Variants in RIMS1 observed in about 807,000 individuals in gnomAD.
The protein encoded by RIMS1 is regulating synaptic membrane exocytosis protein 1.
A neutral mutation model predicts 214.1 loss-of-function variants in RIMS1; 83 were observed. That is an observed-to-expected ratio of 0.39 (90% CI 0.32 to 0.47). RIMS1 has a LOEUF of 0.47. RIMS1 is among the 20% of genes least tolerant of loss of function. The pLI, the probability that RIMS1 is intolerant of heterozygous loss-of-function variation, is 0.99. For synonymous variants in RIMS1, 793 were observed against 786.8 expected (o/e 1.01, Z -0.13); for missense variants, 2,050 against 2,161.8 (o/e 0.95, Z 1.03).
intron 2 of RIMS1, among the ~76,000 whole-genome samples, chr6:72,071,081 T>A (rs1174820169): frequency 6.6e-6 from 1 of 152,154 alleles, no homozygotes; most frequent in South Asian, 2.1e-4. Context: ...AGAATATACA[T>A]TACACTTCAC....
chr6:72,284,323 G>T (rs369305735), intron 24 of RIMS1, among the ~76,000 whole-genome samples: 1 of 151,862 alleles, frequency 6.6e-6, no homozygotes, highest in African/African-American at 2.4e-5. Context: ...TAAATCTTAG[G>T]GTTTAAAAAA....
At chr6:71,913,496 C>T (rs991091842) in intron 1 of RIMS1, among the ~76,000 whole-genome samples, 3 of 152,048 alleles carry the variant, frequency 2.0e-5, no homozygotes, top group Non-Finnish European at 2.9e-5. Context: ...CTCCTGCCCC[C>T]GCCCCATCTC....
Position 72,315,544 on chromosome 6 carries a change from C to T in RIMS1, c.4130+1872C>T, listed in dbSNP as rs529928708. 1.4e-3 allele frequency among the ~76,000 whole-genome samples: 211 copies of T among 152,136 alleles called. 1 individual carries two copies. Among genetic ancestry groups the T allele is most frequent in the African/African-American group, 4.5e-3 (185 of 41,508 alleles). ...CTGTATGTCAGTGATTTGTCATATG[C>T]GGTACATATTTGCTCTTAGAATAAT... On this transcript the variant is annotated intron_variant, in intron 28 of 33. Transcript: ENST00000521978.
chr6:72,192,880 T>C (rs2050284483), intron 6 of RIMS1, among the ~76,000 whole-genome samples: 1 of 152,180 alleles, frequency 6.6e-6, no homozygotes, highest in Non-Finnish European at 1.5e-5. Flanking sequence ...AGATTGAGGG[T>C]GGTCTGCCTT....
chr6:72,018,770 A>T (rs117247131), intron 2 of RIMS1, among the ~76,000 whole-genome samples: 1,898 of 152,242 alleles, frequency 0.012, 17 homozygotes, highest in Non-Finnish European at 0.018. Flanking sequence ...GCAGATTAGG[A>T]TTGAGATTTG....
intron 1 of RIMS1, among the ~76,000 whole-genome samples, chr6:71,961,606 T>C (rs1009257696): frequency 6.6e-6 from 1 of 152,180 alleles, no homozygotes; most frequent in Non-Finnish European, 1.5e-5. Flanking sequence ...CACTTGAGCT[T>C]CACCTCTTTC....
At chr6:72,338,143 C>G (rs1174942247) in intron 29 of RIMS1, among the ~76,000 whole-genome samples, 1 of 151,594 alleles carries the variant, frequency 6.6e-6, no homozygotes, top group Non-Finnish European at 1.5e-5. Context: ...ATTTCTAGTT[C>G]TAGATCCCTG....
At chr6:72,371,244 T>A (rs1164556267) in intron 29 of RIMS1, among the ~76,000 whole-genome samples, 1 of 152,172 alleles carries the variant, frequency 6.6e-6, no homozygotes, top group African/African-American at 2.4e-5. Context: ...ATATTTCACC[T>A]ATGTGTGACA....
At chr6:72,067,650 A>T (rs1829637305) in intron 2 of RIMS1, among the ~76,000 whole-genome samples, 1 of 152,144 alleles carries the variant, frequency 6.6e-6, no homozygotes, top group South Asian at 2.1e-4. Flanking sequence ...CCTTGAGTTC[A>T]TGGTCTTTGT....
At chr6:72,081,368 C>CA (rs1833353408) in intron 2 of RIMS1, among the ~76,000 whole-genome samples, 1 of 152,088 alleles carries the variant, frequency 6.6e-6, no homozygotes, top group Non-Finnish European at 1.5e-5. Context: ...ATGACAGTGA[C>CA]AAAAACTGCA....
At chr6:72,354,955 A>T (rs2097578023) in intron 29 of RIMS1, among the ~76,000 whole-genome samples, 1 of 152,136 alleles carries the variant, frequency 6.6e-6, no homozygotes, top group South Asian at 2.1e-4. Flanking sequence ...TTAAATATTA[A>T]ACGCGAGGAA....
chr6:72,389,626 A>G (rs370077554), intron 29 of RIMS1, among the ~76,000 whole-genome samples: 77 of 152,316 alleles, frequency 5.1e-4, no homozygotes, highest in Middle Eastern at 3.4e-3. Flanking sequence ...TTATGTATGT[A>G]ATTATGTATA....
chr6:72,352,375 TA>T (rs2097483317), intron 29 of RIMS1, among the ~76,000 whole-genome samples: 1 of 152,184 alleles, frequency 6.6e-6, no homozygotes, highest in Non-Finnish European at 1.5e-5. Context: ...ATAAGGAAAC[TA>T]AAACTCAGAA....
chr6:72,220,146 C>G (rs2154032661), intron 6 of RIMS1, among the ~76,000 whole-genome samples: 1 of 152,144 alleles, frequency 6.6e-6, no homozygotes, highest in South Asian at 2.1e-4. Flanking sequence ...TAGTGATCTT[C>G]ATGAAAGCAT....
chr6:72,159,812 G>A lies in RIMS1; in HGVS notation c.472-19763G>A, dbSNP rs547284379. 4.6e-4 allele frequency among the ~76,000 whole-genome samples: 64 copies of A among 140,080 alleles called. 3 individuals are homozygous for A. Among genetic ancestry groups the A allele is most frequent in the Middle Eastern group, 3.5e-3 (1 of 282 alleles). The allele number at this position is 140,080 out of a possible 152,430, so 91.9% of individuals were successfully genotyped here. On this transcript the variant is annotated intron_variant, in intron 4 of 33. Coordinates refer to ENST00000521978, the MANE Select transcript of RIMS1 (RefSeq NM_014989.7). ...TTGTAGCCTTGAAGTATAGTTTGAAGTCAGGTAGTGTGATGTCTCCAGCTT... is the reference window on the plus strand; with the variant it reads ...TTGTAGCCTTGAAGTATAGTTTGAAATCAGGTAGTGTGATGTCTCCAGCTT...
intron 1 of RIMS1, among the ~76,000 whole-genome samples, chr6:71,944,145 A>G (rs2151046535): frequency 6.6e-6 from 1 of 152,332 alleles, no homozygotes; most frequent in South Asian, 2.1e-4. Flanking sequence ...TGTAAAATCT[A>G]AGATGAATTA....
At chr6:72,285,022 T>C (rs2091804182) in intron 24 of RIMS1, among the ~76,000 whole-genome samples, 1 of 152,132 alleles carries the variant, frequency 6.6e-6, no homozygotes, top group African/African-American at 2.4e-5. Flanking sequence ...ATCTTGAGTT[T>C]GGGGAAATGG....
At chr6:72,378,642 C>G (rs1201780618) in intron 29 of RIMS1, among the ~76,000 whole-genome samples, 1 of 152,066 alleles carries the variant, frequency 6.6e-6, no homozygotes, top group African/African-American at 2.4e-5. Context: ...CCAGCCTGGC[C>G]AACATGGCAA....
chr6:72,319,879 A>T (rs2096052417), intron 28 of RIMS1, among the ~76,000 whole-genome samples: 1 of 152,090 alleles, frequency 6.6e-6, no homozygotes, highest in Admixed American at 6.6e-5. Flanking sequence ...CTACCTTACC[A>T]GACTGTTTGA....
Sources: gnomAD v4.1 joint callset for allele counts (sites outside exome capture counted in the v4.1 genomes callset) on GRCh38, gnomAD v4.1.1 for gene constraint, MANE v1.5 for transcripts, NCBI Gene and HGNC (gene_info 2026-07-23, HGNC 2026-07-21) for gene names.